SPOCK1: variants seen among roughly 807,000 people sequenced by gnomAD.
SPOCK1 encodes the protein SPARC (osteonectin), cwcv and kazal like domains proteoglycan 1.
Under a neutral mutation model 55.3 loss-of-function variants are expected in SPOCK1, and 23 were observed. That is an observed-to-expected ratio of 0.42 (90% CI 0.30 to 0.59). The LOEUF (loss-of-function observed/expected upper bound fraction) is 0.59, where lower values mean the gene tolerates loss of function less well. Among genes scored for constraint, SPOCK1 ranks in the 20% least tolerant of loss-of-function variants. SPOCK1 has a pLI of 0.22. For synonymous variants in SPOCK1, 226 were observed against 221.0 expected, an observed-to-expected ratio of 1.02 and a Z score of -0.20; for missense variants, 499 against 552.5, an observed-to-expected ratio of 0.90 and a Z score of 0.97.
intron 3 of SPOCK1, among the ~76,000 whole-genome samples, chr5:137,238,524 A>AGAATC (rs3043240): frequency 0.87 from 132,236 of 151,786 alleles, 57,665 homozygotes; most frequent in African/African-American, 0.92. Context: ...ATTACCACAT[A>AGAATC]AAGAAGCACA....
intron 2 of SPOCK1, among the ~76,000 whole-genome samples, chr5:137,329,464 C>T (rs946376966): frequency 6.6e-6 from 1 of 152,112 alleles, no homozygotes; most frequent in African/African-American, 2.4e-5. Flanking sequence ...AATACAGATG[C>T]CTTGCATCAC....
At chr5:137,120,399 T>G (rs977382807) in intron 4 of SPOCK1, among the ~76,000 whole-genome samples, 1 of 152,196 alleles carries the variant, frequency 6.6e-6, no homozygotes, top group Non-Finnish European at 1.5e-5. Context: ...TCCAAAAGCA[T>G]GAACATCTCT....
Position 137,158,122 on chromosome 5 carries a change from AAATG to A in SPOCK1, c.233-17432_233-17429del, listed in dbSNP as rs541573739. Among the ~76,000 whole-genome samples, 151 of 152,244 alleles carry A rather than the reference AAATG, an allele frequency of 9.9e-4. 3 individuals are homozygous for A. The Middle Eastern group carries it at 0.024, about 24-fold the overall frequency. On this transcript the variant is annotated intron_variant, in intron 3 of 10. Transcript: ENST00000394945. ...GGGCATTTTTGTGATGTGGGGTCCC[AAATG>A]CCCAATCCCCAGTAAAAAGACAGAT...
At chr5:137,417,500 A>C (rs138187745) in intron 2 of SPOCK1, among the ~76,000 whole-genome samples, 1 of 152,146 alleles carries the variant, frequency 6.6e-6, no homozygotes, top group African/African-American at 2.4e-5. Flanking sequence ...CATTACCCCA[A>C]ACAGTCCCAT....
At chr5:137,154,652 G>C (rs1372637184) in intron 3 of SPOCK1, among the ~76,000 whole-genome samples, 1 of 152,124 alleles carries the variant, frequency 6.6e-6, no homozygotes, top group Admixed American at 6.5e-5. Flanking sequence ...TCTAACTGAG[G>C]TTCATCAGCA....
intron 2 of SPOCK1, among the ~76,000 whole-genome samples, chr5:137,481,849 G>A (rs948574636): frequency 6.6e-6 from 1 of 152,188 alleles, no homozygotes; most frequent in African/African-American, 2.4e-5. Flanking sequence ...GTATGCCAAA[G>A]AGCTCAGTAG....
At chr5:137,037,289 T>C (rs1751903132) in intron 6 of SPOCK1, among the ~76,000 whole-genome samples, 1 of 150,972 alleles carries the variant, frequency 6.6e-6, no homozygotes, top group African/African-American at 2.4e-5. Context: ...TACTGGGAAA[T>C]GGAGGCACAT....
At chr5:137,166,795 C>T (rs1754655467) in intron 3 of SPOCK1, among the ~76,000 whole-genome samples, 1 of 151,760 alleles carries the variant, frequency 6.6e-6, no homozygotes, top group Non-Finnish European at 1.5e-5. Flanking sequence ...ATTGCAACCT[C>T]AAATAAAAAA....
chr5:137,497,570 C>T (rs1228283345), intron 2 of SPOCK1, among the ~76,000 whole-genome samples: 1 of 152,186 alleles, frequency 6.6e-6, no homozygotes, highest in East Asian at 1.9e-4. Flanking sequence ...GGAAAGACTG[C>T]ACCAGATGCC....
rs920740733 is a variant in SPOCK1 at position 137,006,205 on chromosome 5, T to C, written c.590-13605A>G. 1.2e-4 allele frequency among the ~76,000 whole-genome samples: 19 copies of C among 152,322 alleles called. No individual in the cohort carries two copies. In the South Asian group the frequency reaches 3.3e-3, roughly 27 times the overall value. On this transcript the variant is annotated intron_variant, in intron 6 of 10. Transcript: ENST00000394945. ...CTATACGGGCTCTTTTTTGGTACCA[T>C]ATGAAATTTAAAGTAGTTTTTTCTA... is the stretch of plus-strand genomic sequence containing the variant.
chr5:137,206,431 T>C (rs754161027), intron 3 of SPOCK1, among the ~76,000 whole-genome samples: 1 of 152,194 alleles, frequency 6.6e-6, no homozygotes, highest in Non-Finnish European at 1.5e-5. Context: ...CAAGAGTCCT[T>C]AGCATATGAA....
chr5:137,283,483 G>A (rs1472588749), intron 2 of SPOCK1, among the ~76,000 whole-genome samples: 1 of 152,322 alleles, frequency 6.6e-6, no homozygotes, highest in East Asian at 1.9e-4. Context: ...GGAGGCCGAG[G>A]TGGGCAGATC....
intron 2 of SPOCK1, among the ~76,000 whole-genome samples, chr5:137,471,962 A>G (rs1320582003): frequency 6.6e-6 from 1 of 152,216 alleles, no homozygotes; most frequent in Non-Finnish European, 1.5e-5. Context: ...TAGACTGCGC[A>G]GGAGAGGAGA....
intron 3 of SPOCK1, among the ~76,000 whole-genome samples, chr5:137,217,675 T>C (rs904978976): frequency 6.6e-6 from 1 of 152,344 alleles, no homozygotes; most frequent in Non-Finnish European, 1.5e-5. Context: ...CTGTACTTCT[T>C]ATATTAGTAA....
intron 2 of SPOCK1, among the ~76,000 whole-genome samples, chr5:137,355,215 T>G (rs558098248): frequency 1.9e-4 from 29 of 150,264 alleles, no homozygotes; most frequent in African/African-American, 6.4e-4. Context: ...TTTAAGAGTT[T>G]TGGTCTCACT....
intron 6 of SPOCK1, among the ~76,000 whole-genome samples, chr5:137,023,231 A>C (rs1308560775): frequency 2.0e-5 from 3 of 152,226 alleles, no homozygotes; most frequent in African/African-American, 7.2e-5. Context: ...AGTTCTTAGA[A>C]CTTTGATATA....
At chr5:137,322,103 G>A (rs1303993949) in intron 2 of SPOCK1, among the ~76,000 whole-genome samples, 1 of 152,124 alleles carries the variant, frequency 6.6e-6, no homozygotes, top group African/African-American at 2.4e-5. Context: ...CTCATTGGCT[G>A]AGGCAGGCAG....
chr5:136,988,507 G>C lies in SPOCK1; in HGVS notation c.843C>G (p.Ile281Met). The part of the protein sequence containing the change: ...AIYLDKYEPC[I>M]KPLFNSCDSF... Reference sequence around the variant, plus strand: ...AGTCACACGAGTTGAAAAGAGGCTTGATACAGGGCTCGTACTTATCCAGGT... The same window carrying C: ...AGTCACACGAGTTGAAAAGAGGCTTCATACAGGGCTCGTACTTATCCAGGT... The change falls in exon 8 of 11, where the codon ATC becomes ATG. Residue 281 changes from isoleucine to methionine, a missense_variant. Physicochemically the swap from Ile to Met is conservative, Grantham distance 10. This residue lies in a region of SPOCK1 where 386 missense variants were observed against 400.6 expected (regional missense o/e 0.96). Transcript: ENST00000394945. 3 of 1,614,166 alleles carry C rather than the reference G, an allele frequency of 1.9e-6. No homozygotes were observed. In the South Asian group the frequency reaches 3.3e-5, roughly 18 times the overall value.
rs1034478474 is a variant in SPOCK1 at position 137,314,024 on chromosome 5, C to T, written c.187-46969G>A. Among the ~76,000 whole-genome samples the T allele has an allele frequency of 1.3e-4, 19 of 151,472 alleles. 2 individuals are homozygous for T. The highest frequency in any genetic ancestry group is 1.1e-3 in the Admixed American group (17 of 15,164). Reference sequence around the variant, plus strand: ...CCAAGCTCTCCTCCCATCGTCCTCTCAGAGCTCCTTGTCTCTAGATCATCT... The same window carrying T: ...CCAAGCTCTCCTCCCATCGTCCTCTTAGAGCTCCTTGTCTCTAGATCATCT... On this transcript the variant is annotated intron_variant, in intron 2 of 10. Coordinates refer to ENST00000394945, the MANE Select transcript of SPOCK1 (RefSeq NM_004598.4).
Sources: allele counts gnomAD v4.1 joint callset (sites outside exome capture counted in the v4.1 genomes callset), GRCh38; gene constraint gnomAD v4.1.1; regional missense constraint gnomAD v4.1.1; transcripts MANE v1.5; gene names NCBI Gene and HGNC (gene_info 2026-07-23, HGNC 2026-07-21).